The following TANGO6 variants were observed in gnomAD, a reference collection of about 807,000 sequenced individuals.
TANGO6 encodes transport and golgi organization 6 homolog.
A neutral mutation model predicts 114.2 loss-of-function variants in TANGO6; 90 were observed. The ratio of observed to expected loss-of-function variants is 0.79; its 90% CI spans 0.66 to 0.94. TANGO6 has a LOEUF of 0.94. TANGO6 is among the 40% of genes least tolerant of loss of function. The pLI, the probability that TANGO6 is intolerant of heterozygous loss-of-function variation, is 0.00. For synonymous variants in TANGO6, 477 were observed against 509.8 expected (o/e 0.94, Z 0.87); for missense variants, 1,274 against 1,315.3 (o/e 0.97, Z 0.49).
At chr16:68,863,983 T>C (rs563733263) in intron 3 of TANGO6, among the ~76,000 whole-genome samples, 134 of 152,060 alleles carry the variant, frequency 8.8e-4, no homozygotes, top group Non-Finnish European at 1.6e-3. Context: ...GAGACCAGCT[T>C]GACCAACATG....
chr16:68,873,868 A>G (rs1323612895), intron 4 of TANGO6, among the ~76,000 whole-genome samples: 1 of 152,196 alleles, frequency 6.6e-6, no homozygotes, highest in Admixed American at 6.6e-5. Context: ...GTGGTTCTAC[A>G]GCAACCTTTA....
At position 69,083,689 on chromosome 16, in the gene TANGO6, A is replaced by C. The variant is rs1960499956; in HGVS notation, c.*28A>C. 1 of 1,543,746 alleles carries C rather than the reference A, an allele frequency of 6.5e-7. No individual in the cohort carries two copies. Among genetic ancestry groups the C allele is most frequent in the Non-Finnish European group, 8.8e-7 (1 of 1,142,586 alleles). On this transcript the variant is annotated 3_prime_UTR_variant, in exon 18 of 18. Transcript: ENST00000261778. The stretch of plus-strand genomic sequence containing the variant: ...CTGGCTCCAAGGACGTGGAGGAGGC[A>C]GGCAGGGCCAGGCACCCAGAGCCGT...
intron 15 of TANGO6, among the ~76,000 whole-genome samples, chr16:69,019,867 G>A (rs368407885): frequency 1.3e-5 from 2 of 152,146 alleles, no homozygotes; most frequent in African/African-American, 4.8e-5. Context: ...GGTAAAAATA[G>A]TATTTCATCA....
chr16:68,990,271 T>C (rs1269824442), intron 15 of TANGO6, among the ~76,000 whole-genome samples: 1 of 152,186 alleles, frequency 6.6e-6, no homozygotes, highest in Non-Finnish European at 1.5e-5. Flanking sequence ...AGAGGTTTAA[T>C]GGACTGACAG....
chr16:68,874,619 T>C (rs975212215), intron 4 of TANGO6, among the ~76,000 whole-genome samples: 1 of 152,278 alleles, frequency 6.6e-6, no homozygotes, highest in South Asian at 2.1e-4. Context: ...GACTAAGTGC[T>C]AGTTTTTCTC....
intron 17 of TANGO6, among the ~76,000 whole-genome samples, chr16:69,045,156 C>A (rs1409652475): frequency 8.6e-3 from 759 of 87,896 alleles, no homozygotes; most frequent in African/African-American, 0.012. Flanking sequence ...ACTCTTGTCT[C>A]AAAAAAAAAA....
intron 1 of TANGO6, among the ~76,000 whole-genome samples, chr16:68,852,093 T>C (rs1961911216): frequency 6.6e-6 from 1 of 152,224 alleles, no homozygotes; most frequent in African/African-American, 2.4e-5. Context: ...TGTTTATTCA[T>C]TCAACAACAA....
intron 1 of TANGO6, among the ~76,000 whole-genome samples, chr16:68,848,015 A>AAC (rs1961842197): frequency 6.6e-6 from 1 of 151,720 alleles, no homozygotes; most frequent in Non-Finnish European, 1.5e-5. Flanking sequence ...AAAAAAAAAA[A>AAC]AAAACTATTG....
At chr16:68,906,324 C>T (rs1962849249) in intron 9 of TANGO6, among the ~76,000 whole-genome samples, 1 of 152,142 alleles carries the variant, frequency 6.6e-6, no homozygotes, top group Non-Finnish European at 1.5e-5. Context: ...CTAATTGGTT[C>T]CTTTCAGTTG....
chr16:68,941,649 G>A (rs1013724642), intron 14 of TANGO6, among the ~76,000 whole-genome samples: 1 of 152,012 alleles, frequency 6.6e-6, no homozygotes, highest in Non-Finnish European at 1.5e-5. Context: ...GGGAGGCTGA[G>A]GTGGGAGAAT....
chr16:69,027,543 G>A (rs1187805536), intron 16 of TANGO6, among the ~76,000 whole-genome samples: 1 of 151,936 alleles, frequency 6.6e-6, no homozygotes, highest in Non-Finnish European at 1.5e-5. Context: ...GATGGATTTA[G>A]CAAATATCTT....
intron 14 of TANGO6, among the ~76,000 whole-genome samples, chr16:68,939,025 T>A (rs182659360): frequency 5.3e-4 from 67 of 127,526 alleles, no homozygotes; most frequent in Middle Eastern, 0.011. Flanking sequence ...TGAGTTATGA[T>A]CACACCACTG....
At position 68,909,260 on chromosome 16, in the gene TANGO6, C is replaced by T. The variant is rs768217239; in HGVS notation, c.1850C>T (p.Pro617Leu). Residue 617 changes from proline to leucine, a missense_variant, in exon 11 of 18, where the codon CCC (proline) becomes CTC (leucine). By Grantham distance (98) the Pro-to-Leu change is moderately conservative (BLOSUM62 -3). Transcript: ENST00000261778. ...SENETELKTE[P>L]FSSKSLLELE... ...AATGAAACAGAGTTAAAAACTGAGC[C>T]CTTCTCCAGCAAGAGCCTCTTGGAA... 4 of 1,606,822 alleles carry T rather than the reference C, an allele frequency of 2.5e-6. No individual in the cohort carries two copies. The highest frequency in any genetic ancestry group is 1.7e-5 in the Admixed American group (1 of 58,830).
intron 15 of TANGO6, among the ~76,000 whole-genome samples, chr16:69,020,873 C>A (rs1221014275): frequency 6.6e-5 from 10 of 150,852 alleles, no homozygotes. Context: ...GGTAACAGAG[C>A]AAGACCCACC....
intron 15 of TANGO6, among the ~76,000 whole-genome samples, chr16:68,983,860 C>T (rs1391820890): frequency 6.6e-6 from 1 of 151,912 alleles, no homozygotes; most frequent in Non-Finnish European, 1.5e-5. Flanking sequence ...GGTGAAACCC[C>T]ATCTCTAATA....
intron 15 of TANGO6, among the ~76,000 whole-genome samples, chr16:68,988,690 CTCTTTTTTTT>C (rs1286119651): frequency 7.5e-6 from 1 of 133,024 alleles, no homozygotes; most frequent in Non-Finnish European, 1.6e-5. Context: ...AGTTCTCTCT[CTCTTTTTTTT>C]TTTTTTTTTT....
rs929216924 is a variant in TANGO6, at chr16:68,930,237, GAT to G, written c.2646_2647del (p.Phe883LeufsTer7). ...ATCACTGCTGTATTTTGTGGTTCCA[GAT>G]ATTCTTGGAAAACTTGGAACATGAA... ...ALEMQEKLLKIFLENLEHEDT... is the reference protein window; with the variant it reads ...ALEMQEKLLKXFLENLEHEDT... On this transcript the variant is annotated frameshift_variant and splice_region_variant, in exon 14 of 18. Transcript: ENST00000261778. LOFTEE classifies it high-confidence loss of function. The G allele has an allele frequency of 1.3e-6, 2 of 1,552,762 alleles. No homozygotes were observed. Among genetic ancestry groups the G allele is most frequent in the Non-Finnish European group, 1.7e-6 (2 of 1,147,210 alleles).
chr16:68,854,285 C>G (rs1417848066), intron 1 of TANGO6, among the ~76,000 whole-genome samples: 2 of 151,992 alleles, frequency 1.3e-5, no homozygotes, highest in Non-Finnish European at 2.9e-5. Flanking sequence ...GAGACCTCAT[C>G]TCTATAAATA....
At chr16:69,012,417 A>G (rs1310175527) in intron 15 of TANGO6, among the ~76,000 whole-genome samples, 2 of 152,014 alleles carry the variant, frequency 1.3e-5, no homozygotes, top group East Asian at 3.9e-4. Context: ...TTAGCCAGGC[A>G]TGGTGGCGCA....
Sources: gnomAD v4.1 joint callset for allele counts (sites outside exome capture counted in the v4.1 genomes callset) on GRCh38, gnomAD v4.1.1 for gene constraint, MANE v1.5 for transcripts, NCBI Gene and HGNC (gene_info 2026-07-23, HGNC 2026-07-21) for gene names.